The following HEY2 variants were observed in gnomAD, a reference collection of about 807,000 sequenced individuals.
HEY2 encodes the protein hes related family bHLH transcription factor with YRPW motif 2.
In HEY2, 10 loss-of-function variants were observed where a neutral mutation model predicts 18.1. The ratio of observed to expected loss-of-function variants is 0.55; its 90% CI spans 0.34 to 0.94. The LOEUF (loss-of-function observed/expected upper bound fraction) is 0.94. Among genes scored for constraint, HEY2 ranks in the 40% least tolerant of loss-of-function variants. The probability of loss-of-function intolerance (pLI) is 0.02; values close to 1 mark genes in which losing one functional copy is unlikely to be tolerated. For missense variants in HEY2, 455 were observed against 455.9 expected, an observed-to-expected ratio of 1.00 and a Z score of 0.02; for synonymous variants, 210 against 182.7, an observed-to-expected ratio of 1.15 and a Z score of -1.21.
intron 3 of HEY2, among the ~76,000 whole-genome samples, chr6:125,753,015 A>T (rs1390852239): frequency 6.6e-6 from 1 of 152,244 alleles, no homozygotes; most frequent in Non-Finnish European, 1.5e-5. Flanking sequence ...GACTTTACTG[A>T]ATCTGCTTGT....
rs1384399430 is a variant in HEY2, at chr6:125,760,585, T to C, written c.*783T>C. 1 of 152,198 alleles carries C rather than the reference T, an allele frequency of 6.6e-6. No homozygotes were observed. Among genetic ancestry groups the C allele is most frequent in the East Asian group, 1.9e-4 (1 of 5,188 alleles). 9.4% of individuals were successfully genotyped at this position (152,198 alleles called of 1,614,324 possible). Reference sequence around the variant, plus strand: ...TGGCTCAAAATATGGTGCTGCTTTATATAAACCTTACATTTATATAGTGCA... The same window carrying C: ...TGGCTCAAAATATGGTGCTGCTTTACATAAACCTTACATTTATATAGTGCA... On this transcript the variant is annotated 3_prime_UTR_variant, in exon 5 of 5. Transcript: ENST00000368364.
In HEY2 at chr6:125,759,839, C is replaced by A; in HGVS notation, c.*37C>A. The stretch of plus-strand genomic sequence containing the variant: ...ACTTCTTGCAATAGTAACTGAATGT[C>A]CTCCATTTCAGAGTCAGCTTAAAAC... On this transcript the variant is annotated 3_prime_UTR_variant, in exon 5 of 5. Transcript: ENST00000368364. 1 of 1,557,402 alleles carries A rather than the reference C, an allele frequency of 6.4e-7. No individual in the cohort carries two copies. The highest frequency in any genetic ancestry group is 1.1e-5 in the South Asian group (1 of 88,816).
In HEY2 at chr6:125,759,421, CCT is replaced by C. The variant is rs1241130407; in HGVS notation, c.637_638del (p.Ser213HisfsTer112). 6.2e-7 allele frequency: 1 copy of C among 1,611,500 alleles called. No homozygotes were observed. On this transcript the variant is annotated frameshift_variant, in exon 5 of 5. Coordinates refer to ENST00000368364, the MANE Select transcript of HEY2 (RefSeq NM_012259.3). LOFTEE classifies it low-confidence loss of function (END_TRUNC). ...LHASESTPCR[L>X]STTSEVPPAH... ...ATGCCTCAGAGTCAACCCCTTGTCG[CCT>C]CTCCACAACTTCAGAAGTGCCTCCT...
rs761700891 is a variant in HEY2, at chr6:125,754,539, G to C, written c.321G>C (p.Gly107=). ...ATTTGAAGATGCTTCAGGCAACAGG[G>C]GGTAAAGGTAAGTAGATGACTTCAT... The part of the protein sequence containing the change: ...VDHLKMLQAT[G]GKGYFDAHAL... Residue 107 remains glycine (G), a synonymous_variant, in exon 4 of 5, where the codon GGG becomes GGC. Coordinates refer to ENST00000368364, the MANE Select transcript of HEY2 (RefSeq NM_012259.3). 6.3e-7 allele frequency: 1 copy of C among 1,586,092 alleles called. No individual in the cohort carries two copies. The highest frequency in any genetic ancestry group is 1.8e-5 in the Admixed American group (1 of 56,290).
chr6:125,759,322 T>A lies in HEY2; in HGVS notation c.534T>A (p.His178Gln). Residue 178 changes from histidine (H) to glutamine (Q), a missense_variant, in exon 5 of 5, where the codon CAT (histidine) becomes CAA (glutamine). His to Gln is a conservative substitution (Grantham distance 24). Transcript: ENST00000368364. Reference protein sequence around the residue: ...AMTSSMAHHHHPLHPHHWAAA... With the variant: ...AMTSSMAHHHQPLHPHHWAAA... Reference sequence around the variant, plus strand: ...CATCCTCCATGGCCCACCACCATCATCCGCTCCACCCGCATCACTGGGCCG... The same window carrying A: ...CATCCTCCATGGCCCACCACCATCAACCGCTCCACCCGCATCACTGGGCCG... The A allele has an allele frequency of 1.9e-6, 3 of 1,605,618 alleles. No individual in the cohort carries two copies. The highest frequency in any genetic ancestry group is 2.5e-6 in the Non-Finnish European group (3 of 1,179,158).
In HEY2 at chr6:125,749,731, C is replaced by T; in HGVS notation, c.-46C>T. The T allele has an allele frequency of 6.8e-7, 1 of 1,468,306 alleles. No homozygotes were observed. The highest frequency in any genetic ancestry group is 9.3e-7 in the Non-Finnish European group (1 of 1,078,830). 91.0% of individuals were successfully genotyped at this position (1,468,306 alleles called of 1,614,324 possible). A position where few individuals can be genotyped will look rare whatever the true frequency, so the allele number is the denominator to read the frequency against. On this transcript the variant is annotated 5_prime_UTR_variant, in exon 1 of 5. Transcript: ENST00000368364. ...CGTCAGGGTGCTGCGCCCCGCTCGG[C>T]GTCCGAGCTTCCGGCCGGGCTGTGC...
intron 4 of HEY2, among the ~76,000 whole-genome samples, chr6:125,758,577 A>G (rs2128529777): frequency 6.6e-6 from 1 of 152,360 alleles, no homozygotes; most frequent in African/African-American, 2.4e-5. Flanking sequence ...AGAAGCAGTT[A>G]TGAATTTATT....
chr6:125,754,964 C>T lies in HEY2; in HGVS notation c.328+418C>T, dbSNP rs192123302. Among the ~76,000 whole-genome samples the T allele has an allele frequency of 1.2e-3, 187 of 152,336 alleles. 2 individuals carry two copies. Among genetic ancestry groups the T allele is most frequent in the African/African-American group, 4.4e-3 (183 of 41,570 alleles). Reference sequence around the variant, plus strand: ...CTTCTTTCTTCCTACTCCTTCTCCTCCTCTGTCTTCATTAAATGAAGGCTA... The same window carrying T: ...CTTCTTTCTTCCTACTCCTTCTCCTTCTCTGTCTTCATTAAATGAAGGCTA... On this transcript the variant is annotated intron_variant, in intron 4 of 4. Coordinates refer to ENST00000368364, the MANE Select transcript of HEY2 (RefSeq NM_012259.3).
rs759080037 is a variant in HEY2 at position 125,759,127 on chromosome 6, C to G, written c.339C>G (p.Asp113Glu). ...CAAACCCACTTTTAGGCTACTTTGA[C>G]GCACACGCTCTTGCCATGGACTTCA... Reference protein sequence around the residue: ...LQATGGKGYFDAHALAMDFMS... With the variant: ...LQATGGKGYFEAHALAMDFMS... The change falls in exon 5 of 5, where the codon GAC (aspartate) becomes GAG (glutamate). Residue 113 changes from aspartate to glutamate, a missense_variant. Asp to Glu is a conservative substitution (Grantham distance 45, BLOSUM62 2). Coordinates refer to ENST00000368364, the MANE Select transcript of HEY2 (RefSeq NM_012259.3). The G allele has an allele frequency of 6.3e-7, 1 of 1,597,286 alleles. No homozygotes were observed.
intron 3 of HEY2, 104 bp from the exon 4 acceptor site, chr6:125,754,361 T>C: frequency 1.8e-6 from 1 of 553,782 alleles, no homozygotes; most frequent in Non-Finnish European, 3.0e-6. Context: ...TGGGATTGTC[T>C]AGTGAGAGGG....
At position 125,754,472 on chromosome 6, in the gene HEY2, C is replaced by T; in HGVS notation, c.254C>T (p.Ala85Val). The T allele has an allele frequency of 6.3e-7, 1 of 1,579,262 alleles. No homozygotes were observed. Among genetic ancestry groups the T allele is most frequent in the South Asian group, 1.2e-5 (1 of 85,908 alleles). The stretch of plus-strand genomic sequence containing the variant: ...ATTTATTTATTTATGAAGGGATCTG[C>T]AAAGTTAGAAAAAGCTGAAATATTG... ...VPTAFEKQGS[A>V]KLEKAEILQM... Residue 85 changes from alanine to valine, a missense_variant, in exon 4 of 5, where the codon GCA becomes GTA. Physicochemically the swap from Ala to Val is moderately conservative, Grantham distance 64 (BLOSUM62 0). Coordinates refer to ENST00000368364, the MANE Select transcript of HEY2 (RefSeq NM_012259.3).
At chr6:125,756,880 A>G (rs988029427) in intron 4 of HEY2, among the ~76,000 whole-genome samples, 3 of 152,016 alleles carry the variant, frequency 2.0e-5, no homozygotes, top group African/African-American at 7.2e-5. Context: ...TGGTATGGAC[A>G]TGTATGTTAC....
At position 125,760,337 on chromosome 6, in the gene HEY2, A is replaced by C. The variant is rs894204685; in HGVS notation, c.*535A>C. 3 of 154,196 alleles carry C rather than the reference A, an allele frequency of 1.9e-5. No individual in the cohort carries two copies. Among genetic ancestry groups the C allele is most frequent in the Admixed American group, 1.9e-4 (3 of 15,678 alleles). 9.6% of individuals were successfully genotyped at this position (154,196 alleles called of 1,614,324 possible). A position where few individuals can be genotyped will look rare whatever the true frequency, so the allele number is the denominator to read the frequency against. On this transcript the variant is annotated 3_prime_UTR_variant, in exon 5 of 5. Transcript: ENST00000368364. ...CAGACATTTTAATACCATGCCAGAG[A>C]AGAGTATTCTGCTGAAACCAACAGG... is the stretch of plus-strand genomic sequence containing the variant.
chr6:125,750,056 G>A, intron 1 of HEY2, among the ~76,000 whole-genome samples, 197 bp downstream of exon 1: 1 of 152,200 alleles, frequency 6.6e-6, no homozygotes, highest in East Asian at 1.9e-4. Context: ...GATTTTCACC[G>A]TAGGGGTGGA....
At chr6:125,754,434 G>A (rs749707731) in intron 3 of HEY2, 31 bp from the exon 4 acceptor site, 6 of 1,304,558 alleles carry the variant, frequency 4.6e-6, no homozygotes, top group Non-Finnish European at 6.4e-6. Context: ...GTAGGACATA[G>A]GATTATTTAT....
intron 4 of HEY2, among the ~76,000 whole-genome samples, chr6:125,756,482 G>C (rs1321877946): frequency 6.6e-6 from 1 of 152,152 alleles, no homozygotes; most frequent in Non-Finnish European, 1.5e-5. Context: ...CAGGAGAATT[G>C]CTTGAACCCG....
chr6:125,750,995 G>T (rs1030047414), intron 1 of HEY2, among the ~76,000 whole-genome samples: 2 of 152,134 alleles, frequency 1.3e-5, no homozygotes, highest in Non-Finnish European at 2.9e-5. Context: ...AACTAGAAAG[G>T]ATTGTAAAAA....
At chr6:125,754,423 T>C in intron 3 of HEY2, 42 bp from the exon 4 acceptor site, 1 of 1,233,838 alleles carries the variant, frequency 8.1e-7, no homozygotes, top group Non-Finnish European at 1.1e-6. Context: ...GATTAGTTTC[T>C]GTAGGACATA....
chr6:125,760,035 T>C lies in HEY2; in HGVS notation c.*233T>C, dbSNP rs907385524. On this transcript the variant is annotated 3_prime_UTR_variant, in exon 5 of 5. Coordinates refer to ENST00000368364, the MANE Select transcript of HEY2 (RefSeq NM_012259.3). The stretch of plus-strand genomic sequence containing the variant: ...ACTGACATCAGCAACTTTTGAAAAC[T>C]TCACACTTGTTACCATTTAGAAGTT... 1 of 558,976 alleles carries C rather than the reference T, an allele frequency of 1.8e-6. No individual in the cohort carries two copies. The highest frequency in any genetic ancestry group is 3.2e-6 in the Non-Finnish European group (1 of 315,468). 34.6% of individuals were successfully genotyped at this position (558,976 alleles called of 1,614,324 possible).
Sources: gnomAD v4.1 joint callset for allele counts (sites outside exome capture counted in the v4.1 genomes callset) on GRCh38, gnomAD v4.1.1 for gene constraint, MANE v1.5 for transcripts, NCBI Gene and HGNC (gene_info 2026-07-23, HGNC 2026-07-21) for gene names.